Variants in AFG2A observed in about 807,000 individuals in gnomAD.
The protein encoded by AFG2A is ATPase family gene 2 protein homolog A.
the AFG2A span, among the ~76,000 whole-genome samples, chr4:123,095,030 CAA>C: frequency 2.8e-5 from 1 of 35,320 alleles, no homozygotes; most frequent in African/African-American, 6.6e-5. Context: ...TCCCTCCCCA[CAA>C]AAAAAAAAAA....
At chr4:123,275,838 C>T in the AFG2A span, among the ~76,000 whole-genome samples, 3 of 152,170 alleles carry the variant, frequency 2.0e-5, no homozygotes, top group African/African-American at 4.8e-5. Context: ...TTTTTTATGG[C>T]TGCGTAGTAT....
chr4:123,012,331 G>A, the AFG2A span, among the ~76,000 whole-genome samples: 1 of 145,946 alleles, frequency 6.9e-6, no homozygotes, highest in Non-Finnish European at 1.5e-5. Context: ...GGTATGGGGT[G>A]CTTGCCCCCC....
chr4:123,181,647 G>T, the AFG2A span, among the ~76,000 whole-genome samples: 1 of 152,016 alleles, frequency 6.6e-6, no homozygotes, highest in Non-Finnish European at 1.5e-5. Flanking sequence ...TAATAAAAAT[G>T]TAGAAATGAT....
At chr4:122,950,408 C>T in the AFG2A span, among the ~76,000 whole-genome samples, 129 of 150,676 alleles carry the variant, frequency 8.6e-4, no homozygotes, top group African/African-American at 2.8e-3. Flanking sequence ...GGCGCGATCT[C>T]GGCTCACTGC....
chr4:123,095,621 C>T, the AFG2A span, among the ~76,000 whole-genome samples: 1 of 151,878 alleles, frequency 6.6e-6, no homozygotes, highest in African/African-American at 2.4e-5. Context: ...CAGTTTTTAC[C>T]ATCTTTATTG....
chr4:123,227,767 G>T, the AFG2A span, among the ~76,000 whole-genome samples: 1 of 152,100 alleles, frequency 6.6e-6, no homozygotes, highest in Non-Finnish European at 1.5e-5. Flanking sequence ...GGGTATCCTT[G>T]TTAACTTTCT....
the AFG2A span, among the ~76,000 whole-genome samples, chr4:123,035,726 TA>T: frequency 1.8e-4 from 28 of 151,890 alleles, no homozygotes; most frequent in African/African-American, 5.5e-4. Flanking sequence ...AGCTGATATA[TA>T]AAAAAAAGTC....
chr4:122,925,895 A>G, the AFG2A span, among the ~76,000 whole-genome samples: 1 of 152,262 alleles, frequency 6.6e-6, no homozygotes, highest in Non-Finnish European at 1.5e-5. Context: ...TGCTGAATGA[A>G]TAAATGAAGG....
the AFG2A span, chr4:123,259,801 C>T: frequency 1.3e-5 from 2 of 152,136 alleles, no homozygotes; most frequent in African/African-American, 2.4e-5. Flanking sequence ...GGCTCATTAC[C>T]CCATATGCCC....
the AFG2A span, among the ~76,000 whole-genome samples, chr4:122,963,572 T>C: frequency 2.6e-5 from 4 of 152,126 alleles, 1 homozygote; most frequent in Non-Finnish European, 5.9e-5. Flanking sequence ...TAAGGAAATT[T>C]CCCAAGATCA....
At chr4:123,272,711 A>G in the AFG2A span, among the ~76,000 whole-genome samples, 2 of 152,208 alleles carry the variant, frequency 1.3e-5, no homozygotes, top group Non-Finnish European at 2.9e-5. Context: ...GAGCAGTTTC[A>G]TTGAAGGAGC....
the AFG2A span, among the ~76,000 whole-genome samples, chr4:123,234,563 T>A: frequency 6.6e-6 from 1 of 152,132 alleles, no homozygotes; most frequent in East Asian, 1.9e-4. Flanking sequence ...CTCAGTCTTC[T>A]CAGTAAATAC....
chr4:123,028,506 CTT>C, the AFG2A span: 7 of 694,498 alleles, frequency 1.0e-5, no homozygotes, highest in Non-Finnish European at 1.6e-5. Flanking sequence ...AGCAGTGATT[CTT>C]TTTTTTTTAT....
At chr4:123,162,437 T>C in the AFG2A span, among the ~76,000 whole-genome samples, 1 of 152,124 alleles carries the variant, frequency 6.6e-6, no homozygotes, top group African/African-American at 2.4e-5. Context: ...CAGTGACAAA[T>C]GTTTTTAAAA....
the AFG2A span, among the ~76,000 whole-genome samples, chr4:123,084,216 T>C: frequency 1.3e-5 from 2 of 151,518 alleles, no homozygotes; most frequent in African/African-American, 4.9e-5. Context: ...ATAGCCTGGC[T>C]ACAGGCTTAT....
At chr4:123,116,524 C>T in the AFG2A span, among the ~76,000 whole-genome samples, 1 of 152,128 alleles carries the variant, frequency 6.6e-6, no homozygotes, top group East Asian at 1.9e-4. Context: ...CACAGGAAAA[C>T]CCTCCCTGAC....
chr4:123,304,873 GC>G, the AFG2A span, among the ~76,000 whole-genome samples: 2 of 152,152 alleles, frequency 1.3e-5, no homozygotes, highest in Non-Finnish European at 1.5e-5. Context: ...CCCTCCTCCA[GC>G]TTGGTCGCGT....
chr4:123,280,606 A>G, the AFG2A span, among the ~76,000 whole-genome samples: 3 of 152,180 alleles, frequency 2.0e-5, no homozygotes, highest in Admixed American at 6.5e-5. Context: ...TCCTTGGTTC[A>G]TGGCCTTTTC....
the AFG2A span, among the ~76,000 whole-genome samples, chr4:123,232,953 T>G: frequency 6.6e-6 from 1 of 152,036 alleles, no homozygotes; most frequent in Non-Finnish European, 1.5e-5. Context: ...ATCTTCCTTG[T>G]TACAACAACA....
Sources: gnomAD v4.1 joint callset for allele counts (sites outside exome capture counted in the v4.1 genomes callset) on GRCh38, gnomAD v4.1.1 for gene constraint, MANE v1.5 for transcripts, NCBI Gene and HGNC (gene_info 2026-07-23, HGNC 2026-07-21) for gene names.